SNTG1: variants seen among roughly 807,000 people sequenced by gnomAD.
The protein encoded by SNTG1 is syntrophin gamma 1, also known as gamma-1-syntrophin.
A neutral mutation model predicts 74.7 loss-of-function variants in SNTG1; 39 were observed. That is an observed-to-expected ratio of 0.52 (90% CI 0.40 to 0.68). The LOEUF (loss-of-function observed/expected upper bound fraction) is 0.68. Among genes scored for constraint, SNTG1 ranks in the 30% least tolerant of loss-of-function variants. The probability of loss-of-function intolerance (pLI) is 0.00; values close to 1 mark genes in which losing one functional copy is unlikely to be tolerated. For synonymous variants in SNTG1, 254 were observed against 217.1 expected (o/e 1.17, Z -1.49); for missense variants, 685 against 609.5 (o/e 1.12, Z -1.30).
chr8:50,726,569 G>A (rs2095500604), intron 17 of SNTG1, among the ~76,000 whole-genome samples: 1 of 152,202 alleles, frequency 6.6e-6, no homozygotes, highest in Admixed American at 6.5e-5. Context: ...GAAATTTGAG[G>A]CTGGGCGCAC....
At chr8:50,501,647 G>A (rs976725499) in intron 8 of SNTG1, among the ~76,000 whole-genome samples, 11 of 148,850 alleles carry the variant, frequency 7.4e-5, no homozygotes, top group Admixed American at 1.3e-4. Flanking sequence ...TAGCAGAGAC[G>A]GGGTTTCACC....
At chr8:50,526,562 A>T (rs1430571696) in intron 9 of SNTG1, among the ~76,000 whole-genome samples, 1 of 152,102 alleles carries the variant, frequency 6.6e-6, no homozygotes, top group Non-Finnish European at 1.5e-5. Flanking sequence ...TGAGGTTTCT[A>T]TTCCACCATC....
intron 2 of SNTG1, among the ~76,000 whole-genome samples, chr8:50,191,499 C>G (rs1048003865): frequency 5.9e-5 from 9 of 152,062 alleles, no homozygotes; most frequent in Non-Finnish European, 1.3e-4. Flanking sequence ...TTTGGTTAAT[C>G]AGCTGTAATT....
chr8:50,243,565 A>G (rs1242891799), intron 2 of SNTG1, among the ~76,000 whole-genome samples: 1 of 152,138 alleles, frequency 6.6e-6, no homozygotes, highest in Non-Finnish European at 1.5e-5. Context: ...CTGATTAACC[A>G]TTTTTAAACA....
chr8:50,176,512 A>C (rs2131683331), intron 2 of SNTG1, among the ~76,000 whole-genome samples: 1 of 152,316 alleles, frequency 6.6e-6, no homozygotes, highest in South Asian at 2.1e-4. Flanking sequence ...ATCTGACTGC[A>C]AAAGCTTCAT....
At chr8:49,918,139 G>C (rs977741051) in intron 1 of SNTG1, among the ~76,000 whole-genome samples, 1 of 151,918 alleles carries the variant, frequency 6.6e-6, no homozygotes, top group South Asian at 2.1e-4. Context: ...AATGAACCAC[G>C]ACTTGATGAA....
intron 2 of SNTG1, among the ~76,000 whole-genome samples, chr8:50,305,628 G>A (rs2089859557): frequency 6.7e-6 from 1 of 149,712 alleles, no homozygotes; most frequent in Admixed American, 6.7e-5. Flanking sequence ...TTCCAATGTG[G>A]AATTTCACTA....
At chr8:50,262,630 C>T (rs1404068255) in intron 2 of SNTG1, among the ~76,000 whole-genome samples, 1 of 152,032 alleles carries the variant, frequency 6.6e-6, no homozygotes, top group Non-Finnish European at 1.5e-5. Context: ...AGGATGGTCT[C>T]GATCTCCTGA....
At chr8:50,601,015 A>G (rs2094769681) in intron 13 of SNTG1, among the ~76,000 whole-genome samples, 1 of 151,746 alleles carries the variant, frequency 6.6e-6, no homozygotes, top group Non-Finnish European at 1.5e-5. Flanking sequence ...TGAAAATACA[A>G]GAAACATTAG....
At chr8:50,086,537 G>T (rs771480788) in intron 1 of SNTG1, among the ~76,000 whole-genome samples, 18 of 152,128 alleles carry the variant, frequency 1.2e-4, no homozygotes, top group Non-Finnish European at 2.2e-4. Context: ...TGCTTGAAAG[G>T]TCAGATGAAT....
chr8:50,459,961 G>T (rs1272944426), intron 8 of SNTG1, among the ~76,000 whole-genome samples: 1 of 152,174 alleles, frequency 6.6e-6, no homozygotes, highest in African/African-American at 2.4e-5. Flanking sequence ...GAGTGGTGCT[G>T]CAATGAACAA....
chr8:50,310,598 G>A (rs2090072392), intron 2 of SNTG1, among the ~76,000 whole-genome samples: 1 of 152,184 alleles, frequency 6.6e-6, no homozygotes, highest in Non-Finnish European at 1.5e-5. Flanking sequence ...TGAGGCAGGA[G>A]AATCGCTTGA....
intron 12 of SNTG1, among the ~76,000 whole-genome samples, chr8:50,581,155 C>T (rs1216575585): frequency 2.6e-5 from 4 of 152,094 alleles, no homozygotes; most frequent in Admixed American, 6.5e-5. Context: ...TTATCAAGAG[C>T]ACATAAAATT....
intron 1 of SNTG1, among the ~76,000 whole-genome samples, chr8:50,032,269 C>T (rs1227260944): frequency 6.6e-6 from 1 of 151,104 alleles, no homozygotes; most frequent in Non-Finnish European, 1.5e-5. Flanking sequence ...TTTTTCTTTT[C>T]TTTCTATTCT....
At chr8:50,164,894 C>G (rs2082558880) in intron 1 of SNTG1, among the ~76,000 whole-genome samples, 1 of 152,146 alleles carries the variant, frequency 6.6e-6, no homozygotes, top group Non-Finnish European at 1.5e-5. Context: ...GAATATTACT[C>G]TAACATTTTG....
At chr8:50,307,480 C>G (rs2089949596) in intron 2 of SNTG1, among the ~76,000 whole-genome samples, 1 of 151,948 alleles carries the variant, frequency 6.6e-6, no homozygotes, top group African/African-American at 2.4e-5. Flanking sequence ...TCTCTTCCAT[C>G]TTTCTGTTTC....
intron 1 of SNTG1, among the ~76,000 whole-genome samples, chr8:50,165,125 C>T (rs2082568267): frequency 6.6e-6 from 1 of 152,102 alleles, no homozygotes; most frequent in Non-Finnish European, 1.5e-5. Flanking sequence ...GTGTTGAGTT[C>T]TGCTTTGATG....
intron 2 of SNTG1, among the ~76,000 whole-genome samples, chr8:50,324,204 C>T (rs1335326823): frequency 6.6e-6 from 1 of 152,154 alleles, no homozygotes; most frequent in Non-Finnish European, 1.5e-5. Context: ...TTGTGCCGGC[C>T]CTGGCTAATC....
At chr8:50,219,238 C>T (rs960404691) in intron 2 of SNTG1, among the ~76,000 whole-genome samples, 1 of 152,174 alleles carries the variant, frequency 6.6e-6, no homozygotes, top group Non-Finnish European at 1.5e-5. Context: ...CTAAGCCCAG[C>T]ATTAACTTTA....
Sources: gnomAD v4.1 joint callset for allele counts (sites outside exome capture counted in the v4.1 genomes callset) on GRCh38, gnomAD v4.1.1 for gene constraint, MANE v1.5 for transcripts, NCBI Gene and HGNC (gene_info 2026-07-23, HGNC 2026-07-21) for gene names.